Variants in MYT1L observed in about 807,000 individuals in gnomAD.
MYT1L encodes the protein myelin transcription factor 1-like protein.
A neutral mutation model predicts 126.7 loss-of-function variants in MYT1L; 12 were observed. The ratio of observed to expected loss-of-function variants is 0.09; its 90% confidence interval spans 0.06 to 0.15. The LOEUF (loss-of-function observed/expected upper bound fraction) is 0.15, where lower values mean the gene tolerates loss of function less well. Among genes scored for constraint, MYT1L ranks in the 10% least tolerant of loss-of-function variants. MYT1L has a pLI of 1.00. For missense variants in MYT1L, 979 were observed against 1,585.2 expected (o/e 0.62, Z 6.49); for synonymous variants, 541 against 604.2 (o/e 0.90, Z 1.53).
chr2:2,133,401 C>T (rs545722932), intron 3 of MYT1L, among the ~76,000 whole-genome samples: 1 of 152,218 alleles, frequency 6.6e-6, no homozygotes, highest in Admixed American at 6.5e-5. Context: ...AAGTCACTCC[C>T]CCTCATGCTT....
chr2:2,286,498 T>C (rs1369748484), intron 1 of MYT1L, among the ~76,000 whole-genome samples: 1 of 152,218 alleles, frequency 6.6e-6, no homozygotes, highest in Non-Finnish European at 1.5e-5. Context: ...GAATGATTTC[T>C]AACAAATTGA....
chr2:2,206,634 G>A (rs2093332742), intron 2 of MYT1L, among the ~76,000 whole-genome samples: 1 of 152,222 alleles, frequency 6.6e-6, no homozygotes. Flanking sequence ...GAAAAGAGGA[G>A]CATTTCTTAG....
intron 3 of MYT1L, among the ~76,000 whole-genome samples, chr2:2,095,633 C>T (rs1419182379): frequency 5.3e-5 from 8 of 151,932 alleles, no homozygotes; most frequent in Non-Finnish European, 8.8e-5. Flanking sequence ...GGAGAGCAGT[C>T]GTTTTCCATC....
rs140265601 is a variant in MYT1L at position 1,912,989 on chromosome 2, C to T, written c.1619-879G>A. 6.6e-6 allele frequency among the ~76,000 whole-genome samples: 1 copy of T among 152,198 alleles called. No individual in the cohort carries two copies. The highest frequency in any genetic ancestry group is 2.4e-5 in the African/African-American group (1 of 41,450). ...GCATCATGCTCTGCTCCTCTGAGCC[C>T]GCTGTCTCCAAACTCCAGGGGAATG... On this transcript the variant is annotated intron_variant, in intron 11 of 24. Coordinates refer to ENST00000647738, the MANE Select transcript of MYT1L (RefSeq NM_001303052.2). This position sits in a 1 kb window ranked among gnomAD's most constrained non-coding sequence, Gnocchi z 4.3.
chr2:1,927,094 G>C (rs1573639558), intron 9 of MYT1L, among the ~76,000 whole-genome samples: 1 of 152,188 alleles, frequency 6.6e-6, no homozygotes, highest in Non-Finnish European at 1.5e-5. Context: ...CTGTGAGCGG[G>C]GGCCAGCCTG....
chr2:1,954,455 G>A (rs920773075), intron 8 of MYT1L, among the ~76,000 whole-genome samples: 4 of 152,076 alleles, frequency 2.6e-5, no homozygotes, highest in African/African-American at 7.2e-5. Context: ...CCATGCATAC[G>A]TCCACACCAG....
At chr2:2,303,572 G>A (rs192882357) in intron 1 of MYT1L, 1 of 152,398 alleles carries the variant, frequency 6.6e-6, no homozygotes, top group East Asian at 1.9e-4. Context: ...ATTTATTTTA[G>A]CCACAGGAGT....
At chr2:2,117,105 T>G (rs909558675) in intron 3 of MYT1L, among the ~76,000 whole-genome samples, 1 of 152,176 alleles carries the variant, frequency 6.6e-6, no homozygotes, top group Non-Finnish European at 1.5e-5. Context: ...CTGCCCACCC[T>G]TGCGTTCCCT....
rs2048972045 is a variant in MYT1L, at chr2:1,892,178, C to T, written c.2142G>A (p.Thr714=). ...TGTAGTCGAAGCTGCTCTTGCTGCA[C>T]GTGCTGCTGGCGCTGCTGCCCCCGC... The part of the protein sequence containing the change: ...SCGGGSSASS[T]CSKSSFDYTH... The change falls in exon 15 of 25, where the codon ACG becomes ACA. Residue 714 remains threonine, a synonymous_variant. Coordinates refer to ENST00000647738, the MANE Select transcript of MYT1L (RefSeq NM_001303052.2). 3 of 1,549,390 alleles carry T rather than the reference C, an allele frequency of 1.9e-6. No homozygotes were observed. The highest frequency in any genetic ancestry group is 1.2e-5 in the South Asian group (1 of 84,056).
intron 3 of MYT1L, among the ~76,000 whole-genome samples, chr2:2,167,858 G>A (rs193128391): frequency 6.6e-6 from 1 of 152,278 alleles, no homozygotes; most frequent in East Asian, 1.9e-4. Flanking sequence ...AACAAGAACA[G>A]CTTTTCTGCA....
chr2:1,973,452 A>G (rs766919149), intron 8 of MYT1L, among the ~76,000 whole-genome samples: 4 of 152,230 alleles, frequency 2.6e-5, no homozygotes, highest in Non-Finnish European at 4.4e-5. Flanking sequence ...TAACACAAAC[A>G]GTATTTTATA....
chr2:1,839,285 C>T lies in MYT1L; in HGVS notation c.2944G>A (p.Ala982Thr). The T allele has an allele frequency of 6.2e-7, 1 of 1,613,754 alleles. No homozygotes were observed. Among genetic ancestry groups the T allele is most frequent in the Non-Finnish European group, 8.5e-7 (1 of 1,179,904 alleles). Residue 982 changes from alanine to threonine, a missense_variant, in exon 21 of 25, where the codon GCC becomes ACC. Coordinates refer to ENST00000647738, the MANE Select transcript of MYT1L (RefSeq NM_001303052.2). ...AGGTACCCGTCTTTCTGCCTCTTGGCCGCCAAGGGGCACCCGGAGGCGCTG... is the reference window on the plus strand; with the variant it reads ...AGGTACCCGTCTTTCTGCCTCTTGGTCGCCAAGGGGCACCCGGAGGCGCTG... ...HRSASGCPLA[A>T]KRQKDGYLNG...
chr2:2,243,743 T>C (rs2094480345), intron 2 of MYT1L, among the ~76,000 whole-genome samples: 1 of 152,200 alleles, frequency 6.6e-6, no homozygotes, highest in Non-Finnish European at 1.5e-5. Context: ...TATTTTTGTC[T>C]TTTGTTTTTG....
chr2:1,913,387 C>G (rs899531245), intron 11 of MYT1L, among the ~76,000 whole-genome samples: 1 of 152,108 alleles, frequency 6.6e-6, no homozygotes. Flanking sequence ...TGTGCTGGCA[C>G]CTGGCTGGAG....
intron 3 of MYT1L, among the ~76,000 whole-genome samples, chr2:2,136,216 G>T (rs921314588): frequency 6.6e-6 from 1 of 152,180 alleles, no homozygotes; most frequent in Non-Finnish European, 1.5e-5. Flanking sequence ...GAGAGAAAAT[G>T]GTTCATCTCA....
intron 3 of MYT1L, among the ~76,000 whole-genome samples, chr2:2,057,420 G>C (rs181833247): frequency 6.6e-6 from 1 of 151,938 alleles, no homozygotes; most frequent in East Asian, 1.9e-4. Flanking sequence ...CCTGTTCAGA[G>C]CCACGCCCAT....
chr2:2,078,541 C>T (rs144745220), intron 3 of MYT1L, among the ~76,000 whole-genome samples: 353 of 152,178 alleles, frequency 2.3e-3, no homozygotes, highest in Non-Finnish European at 4.4e-3. Context: ...AGTGACTGCA[C>T]TAGTATCAGA....
At chr2:1,792,969 A>G (rs926544731) in intron 23 of MYT1L, among the ~76,000 whole-genome samples, 4 of 151,754 alleles carry the variant, frequency 2.6e-5, no homozygotes, top group African/African-American at 9.7e-5. Context: ...GCACTTGACA[A>G]CTGGGGAGCT....
chr2:2,032,095 AC>A (rs1370518840), intron 4 of MYT1L, among the ~76,000 whole-genome samples: 16 of 120,984 alleles, frequency 1.3e-4, no homozygotes, highest in East Asian at 2.6e-4. Context: ...CCTTACACAC[AC>A]CCCTCGCCAG....
Sources: gnomAD v4.1 joint callset for allele counts (sites outside exome capture counted in the v4.1 genomes callset) on GRCh38, gnomAD v4.1.1 for gene constraint, Gnocchi (gnomAD v3.1) non-coding constraint, MANE v1.5 for transcripts, NCBI Gene and HGNC (gene_info 2026-07-23, HGNC 2026-07-21) for gene names.